SYN2: variants seen among roughly 807,000 people sequenced by gnomAD.
SYN2 encodes the protein synapsin II, also known as synapsin-2.
A neutral mutation model predicts 50.9 loss-of-function variants in SYN2; 19 were observed. That is an observed-to-expected ratio of 0.37 (90% CI 0.26 to 0.55). SYN2 has a LOEUF of 0.55. Ranked by LOEUF, SYN2 falls within the 20% of genes least tolerant of loss-of-function variation. The pLI is 0.81. For missense variants in SYN2, 587 were observed against 576.4 expected (o/e 1.02, Z -0.19); for synonymous variants, 255 against 224.9 (o/e 1.13, Z -1.20).
chr3:12,136,390 C>G (rs1696893101), intron 1 of SYN2, among the ~76,000 whole-genome samples: 1 of 152,176 alleles, frequency 6.6e-6, no homozygotes. Flanking sequence ...ACCATTAGCC[C>G]TATTTTATAA....
chr3:12,065,364 A>C (rs145947905), intron 1 of SYN2, among the ~76,000 whole-genome samples: 8 of 152,308 alleles, frequency 5.3e-5, no homozygotes, highest in Non-Finnish European at 1.0e-4. Context: ...TATATACTCA[A>C]AAGAAAATAA....
chr3:12,102,782 G>A (rs1480942883), intron 1 of SYN2, among the ~76,000 whole-genome samples: 1 of 152,034 alleles, frequency 6.6e-6, no homozygotes, highest in Non-Finnish European at 1.5e-5. Flanking sequence ...GAACTCAGAT[G>A]GCTTTATGCT....
At chr3:12,045,131 A>C (rs1694706482) in intron 1 of SYN2, among the ~76,000 whole-genome samples, 1 of 152,188 alleles carries the variant, frequency 6.6e-6, no homozygotes, top group Non-Finnish European at 1.5e-5. Context: ...ACCCTGTCTC[A>C]TTCTACTGTA....
At chr3:12,086,345 A>T (rs747407284) in intron 1 of SYN2, among the ~76,000 whole-genome samples, 3 of 152,178 alleles carry the variant, frequency 2.0e-5, no homozygotes, top group Non-Finnish European at 2.9e-5. Context: ...AAGAGGAGGG[A>T]ATACTTCCAA....
intron 2 of SYN2, among the ~76,000 whole-genome samples, chr3:12,140,913 G>A (rs1328966019): frequency 6.6e-6 from 1 of 152,140 alleles, no homozygotes; most frequent in Non-Finnish European, 1.5e-5. Context: ...TCATTTCTCT[G>A]ATTCCTTTTT....
chr3:12,042,603 G>GA (rs1694642785), intron 1 of SYN2, among the ~76,000 whole-genome samples: 1 of 152,174 alleles, frequency 6.6e-6, no homozygotes, highest in African/African-American at 2.4e-5. Flanking sequence ...GTAGTGGGTT[G>GA]AATAGTGTTC....
intron 1 of SYN2, among the ~76,000 whole-genome samples, chr3:12,135,253 C>T (rs1310292135): frequency 1.3e-5 from 2 of 152,104 alleles, no homozygotes; most frequent in Non-Finnish European, 2.9e-5. Flanking sequence ...CAAACTTGCA[C>T]CAGGACAGGA....
intron 10 of SYN2, among the ~76,000 whole-genome samples, chr3:12,174,020 T>C (rs1159361302): frequency 5.3e-5 from 8 of 152,148 alleles, no homozygotes; most frequent in Non-Finnish European, 1.2e-4. Context: ...CTAAACACTA[T>C]TTTCTAGGCC....
At position 12,187,450 on chromosome 3, in the gene SYN2, C is replaced by T. The variant is rs757148650; in HGVS notation, c.1451C>T (p.Pro484Leu). 36 of 1,553,386 alleles carry T rather than the reference C, an allele frequency of 2.3e-5. No homozygotes were observed. Among genetic ancestry groups the T allele is most frequent in the Non-Finnish European group, 2.8e-5 (32 of 1,147,772 alleles). ...CGGCTCCCCCCTGGACCATCACTGC[C>T]ACCTTCCTCCTCTTCCTCCTCTTCT... ...PRRLPPGPSLPPSSSSSSSSS... is the reference protein window; with the variant it reads ...PRRLPPGPSLLPSSSSSSSSS... The change falls in exon 12 of 13, where the codon CCA becomes CTA. Residue 484 changes from proline (P) to leucine (L), a missense_variant. Transcript: ENST00000621198.
At chr3:12,162,572 A>C (rs576261415) in intron 7 of SYN2, among the ~76,000 whole-genome samples, 29 of 152,352 alleles carry the variant, frequency 1.9e-4, no homozygotes, top group South Asian at 4.1e-4. Flanking sequence ...ATATTTTACT[A>C]ATCACAGATT....
At chr3:12,075,197 G>T (rs1008328341) in intron 1 of SYN2, among the ~76,000 whole-genome samples, 22 of 152,084 alleles carry the variant, frequency 1.4e-4, no homozygotes, top group African/African-American at 5.3e-4. Context: ...TAAAGATATG[G>T]TTGATCAGCT....
chr3:12,024,128 C>G (rs1694203731), intron 1 of SYN2, among the ~76,000 whole-genome samples: 1 of 150,146 alleles, frequency 6.7e-6, no homozygotes, highest in South Asian at 2.1e-4. Flanking sequence ...GCCTGCTAAG[C>G]CTTCTGTCCA....
chr3:12,187,922 C>T (rs1369086089), intron 12 of SYN2, among the ~76,000 whole-genome samples: 3 of 152,028 alleles, frequency 2.0e-5, no homozygotes, highest in Non-Finnish European at 2.9e-5. Flanking sequence ...AGTCACTGTC[C>T]CTTCTCTAGT....
chr3:12,068,997 T>C (rs916210724), intron 1 of SYN2, among the ~76,000 whole-genome samples: 1 of 152,234 alleles, frequency 6.6e-6, no homozygotes, highest in Non-Finnish European at 1.5e-5. Context: ...TCTGAACACT[T>C]CATATAAATG....
At position 12,191,982 on chromosome 3, in the gene SYN2, A is replaced by G. The variant is rs310766; in HGVS notation, c.*1357A>G. On this transcript the variant is annotated 3_prime_UTR_variant, in exon 13 of 13. Coordinates refer to ENST00000621198, the MANE Select transcript of SYN2 (RefSeq NM_133625.6). ...TTCCCAAAGACCACGGATGCTGTGA[A>G]GATAAACACTACATCTGCACCAATA... 0.7 allele frequency among the ~76,000 whole-genome samples: 106,070 copies of G among 152,126 alleles called. 37,768 individuals carry two copies. Among genetic ancestry groups the G allele is most frequent in the South Asian group, 0.79 (3,805 of 4,824 alleles).
chr3:12,015,389 A>G (rs372807292), intron 1 of SYN2, among the ~76,000 whole-genome samples: 1 of 152,186 alleles, frequency 6.6e-6, no homozygotes. Flanking sequence ...TTATTTCAGT[A>G]TCTCCAGGAC....
intron 1 of SYN2, among the ~76,000 whole-genome samples, chr3:12,072,173 T>G (rs1695370494): frequency 6.6e-6 from 1 of 152,230 alleles, no homozygotes; most frequent in South Asian, 2.1e-4. Context: ...TTTGACTGTT[T>G]TAGAATTCGG....
chr3:12,156,176 T>G (rs1559444358), intron 5 of SYN2, among the ~76,000 whole-genome samples: 1 of 152,238 alleles, frequency 6.6e-6, no homozygotes, highest in Non-Finnish European at 1.5e-5. Flanking sequence ...GTGCTTTTTC[T>G]TTCCCTTGCT....
intron 5 of SYN2, chr3:12,154,474 G>C: frequency 6.2e-7 from 1 of 1,613,192 alleles, no homozygotes; most frequent in South Asian, 1.1e-5. Flanking sequence ...ATGGAGGAGA[G>C]TCAAGCATCA....
Sources: allele counts gnomAD v4.1 joint callset (sites outside exome capture counted in the v4.1 genomes callset), GRCh38; gene constraint gnomAD v4.1.1; transcripts MANE v1.5; gene names NCBI Gene and HGNC (gene_info 2026-07-23, HGNC 2026-07-21).